Variants in SDK2 observed in about 807,000 individuals in gnomAD.
SDK2 encodes sidekick cell adhesion molecule 2.
Under a neutral mutation model 253.9 loss-of-function variants are expected in SDK2, and 105 were observed. The observed-to-expected ratio is 0.41, with a 90% CI of 0.35 to 0.49. The LOEUF (loss-of-function observed/expected upper bound fraction) is 0.49, where lower values mean the gene tolerates loss of function less well. Ranked by LOEUF, SDK2 falls within the 20% of genes least tolerant of loss-of-function variation. The pLI is 0.06. For synonymous variants in SDK2, 1,249 were observed against 1,234.9 expected (o/e 1.01, Z -0.24); for missense variants, 2,608 against 3,003.0 (o/e 0.87, Z 3.07).
In SDK2 at chr17:73,435,764, G is replaced by A. The variant is rs1340650167; in HGVS notation, c.1001-120C>T. 9.1e-6 allele frequency: 8 copies of A among 879,628 alleles called. No individual in the cohort carries two copies. The highest frequency in any genetic ancestry group is 1.4e-5 in the Non-Finnish European group (8 of 590,976). The allele number at this position is 879,628 out of a possible 1,614,324, so 54.5% of individuals were successfully genotyped here. On this transcript the variant is annotated intron_variant, in intron 8 of 44. Transcript: ENST00000392650. The surrounding 1 kb of genome is among the most constrained non-coding windows in gnomAD (Gnocchi z 5.7). ...GAGGGGGTCCCTGGTGAATCTTGGT[G>A]TCTAGAACCTTCTCAGAGGTGCCAC...
chr17:73,454,004 A>G (rs928102536), intron 4 of SDK2, among the ~76,000 whole-genome samples: 6 of 152,170 alleles, frequency 3.9e-5, no homozygotes, highest in African/African-American at 1.4e-4. Context: ...CCTTTCCTAT[A>G]TTTAGATATG....
chr17:73,413,783 T>C (rs2063158023), intron 18 of SDK2, among the ~76,000 whole-genome samples: 1 of 152,172 alleles, frequency 6.6e-6, no homozygotes, highest in African/African-American at 2.4e-5. Context: ...AGCTGCTCAA[T>C]AAATATTGAT....
At chr17:73,592,836 C>T (rs957523091) in intron 1 of SDK2, among the ~76,000 whole-genome samples, 22 of 152,132 alleles carry the variant, frequency 1.4e-4, no homozygotes, top group African/African-American at 4.6e-4. Flanking sequence ...GGGGAATCTA[C>T]GGAATCAAAG....
chr17:73,494,065 G>T (rs1018938876), intron 2 of SDK2, among the ~76,000 whole-genome samples: 1 of 152,170 alleles, frequency 6.6e-6, no homozygotes, highest in Non-Finnish European at 1.5e-5. Context: ...CTGACCCGGC[G>T]AGTCCCTCTC....
intron 12 of SDK2, among the ~76,000 whole-genome samples, chr17:73,428,777 G>A (rs932035580): frequency 6.6e-6 from 1 of 152,128 alleles, no homozygotes; most frequent in Non-Finnish European, 1.5e-5. Flanking sequence ...CCCAGTCCAA[G>A]GAAGACAGAC....
chr17:73,443,509 G>A lies in SDK2; in HGVS notation c.614-2586C>T, dbSNP rs1021510027. 6.6e-6 allele frequency among the ~76,000 whole-genome samples: 1 copy of A among 152,242 alleles called. No individual in the cohort carries two copies. Among genetic ancestry groups the A allele is most frequent in the African/African-American group, 2.4e-5 (1 of 41,472 alleles). On this transcript the variant is annotated intron_variant, in intron 5 of 44. Transcript: ENST00000392650. This position sits in a 1 kb window ranked among gnomAD's most constrained non-coding sequence, Gnocchi z 4.6. Reference sequence around the variant, plus strand: ...AGAGCCCAAGCCAGAGCGCCGCATGGCACAGCCAGGTAAACAGGGAGACCT... The same window carrying A: ...AGAGCCCAAGCCAGAGCGCCGCATGACACAGCCAGGTAAACAGGGAGACCT...
At chr17:73,588,199 C>CG (rs1167073779) in intron 1 of SDK2, among the ~76,000 whole-genome samples, 2 of 91,688 alleles carry the variant, frequency 2.2e-5, no homozygotes, top group African/African-American at 1.1e-4. Context: ...ATGGAGAGAC[C>CG]CCCCCCCCTC....
intron 1 of SDK2, among the ~76,000 whole-genome samples, chr17:73,620,686 G>C (rs1446488906): frequency 6.6e-6 from 1 of 152,186 alleles, no homozygotes; most frequent in Non-Finnish European, 1.5e-5. Context: ...CAATTAAAAA[G>C]GAATGAAGTA....
chr17:73,601,654 C>T (rs1212006164), intron 1 of SDK2, among the ~76,000 whole-genome samples: 2 of 152,208 alleles, frequency 1.3e-5, no homozygotes, highest in South Asian at 2.1e-4. Context: ...AGCTAGGAGA[C>T]GGTCCCGGGA....
At chr17:73,393,167 C>T (rs1406299846) in intron 27 of SDK2, among the ~76,000 whole-genome samples, 2 of 148,046 alleles carry the variant, frequency 1.4e-5, no homozygotes, top group Non-Finnish European at 3.0e-5. Flanking sequence ...ATGGTTTGAA[C>T]CTGGGAGGCG....
intron 1 of SDK2, among the ~76,000 whole-genome samples, chr17:73,563,927 T>A (rs2045274395): frequency 6.6e-6 from 1 of 151,918 alleles, no homozygotes; most frequent in Non-Finnish European, 1.5e-5. Context: ...GCTCAGCTAA[T>A]TTTTTATATT....
intron 2 of SDK2, among the ~76,000 whole-genome samples, chr17:73,495,317 C>T (rs1421487883): frequency 1.3e-5 from 2 of 152,206 alleles, no homozygotes; most frequent in Non-Finnish European, 2.9e-5. Flanking sequence ...CCCCAGGACA[C>T]AGGTGGCAGC....
intron 2 of SDK2, among the ~76,000 whole-genome samples, chr17:73,485,275 G>C (rs558669548): frequency 6.6e-6 from 1 of 152,292 alleles, no homozygotes; most frequent in East Asian, 1.9e-4. Flanking sequence ...GCTGATGGAG[G>C]CTGAGGGGGC....
At chr17:73,416,199 A>ATTTTTTT (rs55713710) in intron 16 of SDK2, among the ~76,000 whole-genome samples, 36,072 of 120,206 alleles carry the variant, frequency 0.3, 7,100 homozygotes, top group Middle Eastern at 0.39. Context: ...AATGAATTCA[A>ATTTTTTT]TTTTTTTTTT....
At chr17:73,535,207 C>T (rs1215630354) in intron 1 of SDK2, among the ~76,000 whole-genome samples, 1 of 152,214 alleles carries the variant, frequency 6.6e-6, no homozygotes, top group Non-Finnish European at 1.5e-5. Context: ...GCGTACATTT[C>T]CCATCCCACC....
At chr17:73,370,803 C>A (rs569572308) in intron 36 of SDK2, among the ~76,000 whole-genome samples, 1 of 152,150 alleles carries the variant, frequency 6.6e-6, no homozygotes, top group East Asian at 1.9e-4. Flanking sequence ...GCGGCTCACA[C>A]CTGTAATCCT....
chr17:73,565,873 T>G (rs58769159), intron 1 of SDK2, among the ~76,000 whole-genome samples: 30,187 of 152,198 alleles, frequency 0.2, 3,587 homozygotes, highest in African/African-American at 0.33. Flanking sequence ...CGCCAGGCTG[T>G]AGTGCAATAG....
At chr17:73,427,877 G>C (rs554899938) in intron 12 of SDK2, among the ~76,000 whole-genome samples, 35 of 152,286 alleles carry the variant, frequency 2.3e-4, no homozygotes, top group African/African-American at 7.7e-4. Flanking sequence ...AAACATTGCT[G>C]CTCTTTGATA....
At chr17:73,370,843 G>T (rs1048241488) in intron 36 of SDK2, among the ~76,000 whole-genome samples, 1 of 151,878 alleles carries the variant, frequency 6.6e-6, no homozygotes, top group Non-Finnish European at 1.5e-5. Flanking sequence ...GAGGGGAATC[G>T]CCTGTGCCCA....
Sources: allele counts gnomAD v4.1 joint callset (sites outside exome capture counted in the v4.1 genomes callset), GRCh38; gene constraint gnomAD v4.1.1; non-coding constraint Gnocchi (gnomAD v3.1); transcripts MANE v1.5; gene names NCBI Gene and HGNC (gene_info 2026-07-23, HGNC 2026-07-21).